KDM2B: variants seen among roughly 807,000 people sequenced by gnomAD.
KDM2B encodes the protein lysine demethylase 2B.
Under a neutral mutation model 150.0 loss-of-function variants are expected in KDM2B, and 26 were observed. The observed-to-expected ratio is 0.17, with a 90% CI of 0.13 to 0.24. The LOEUF is 0.24. Among genes scored for constraint, KDM2B ranks in the 10% least tolerant of loss-of-function variants. KDM2B has a pLI of 1.00. For missense variants in KDM2B, 1,265 were observed against 1,816.9 expected (o/e 0.70, Z 5.52); for synonymous variants, 734 against 729.5 (o/e 1.01, Z -0.10).
At chr12:121,437,438 G>A (rs1297191684) in intron 22 of KDM2B, among the ~76,000 whole-genome samples, 2 of 151,744 alleles carry the variant, frequency 1.3e-5, no homozygotes, top group African/African-American at 4.8e-5. Context: ...GAGTGGGAGG[G>A]AAGGATACAA....
intron 4 of KDM2B, among the ~76,000 whole-genome samples, chr12:121,569,995 G>A (rs777179659): frequency 6.6e-6 from 1 of 151,788 alleles, no homozygotes; most frequent in Non-Finnish European, 1.5e-5. Flanking sequence ...GACTACCGAG[G>A]CATGCCACCA....
In KDM2B at chr12:121,444,432, T is replaced by G. The variant is rs201518248; in HGVS notation, c.2190+18A>C. 2.7e-5 allele frequency: 44 copies of G among 1,613,992 alleles called. No homozygotes were observed. In the Admixed American group the frequency reaches 5.7e-4, roughly 21 times the overall value. ...CCCCTCTCCCGACTGACCCTGGGAC[T>G]TGGAGCCCGGCACTCACTTTCCCGG... On this transcript the variant is annotated intron_variant, in intron 15 of 22. Transcript: ENST00000377071.
At chr12:121,409,663 T>A in the KDM2B span, 1 of 152,226 alleles carries the variant, frequency 6.6e-6, no homozygotes, top group Non-Finnish European at 1.5e-5. Flanking sequence ...TCAGTATTTT[T>A]AAAGACTTGC....
At chr12:121,574,458 G>C in intron 4 of KDM2B, 89 bp downstream of exon 4, 1 of 1,280,992 alleles carries the variant, frequency 7.8e-7, no homozygotes, top group Non-Finnish European at 1.1e-6. Flanking sequence ...TTGAGAGGCA[G>C]TTAAAAGTCT....
the KDM2B span, chr12:121,420,050 C>G: frequency 2.0e-6 from 1 of 510,516 alleles, no homozygotes; most frequent in Non-Finnish European, 3.6e-6. Context: ...TTTGAGCTAA[C>G]TTTATGGAAG....
At chr12:121,410,227 G>A in the KDM2B span, among the ~76,000 whole-genome samples, 2 of 151,060 alleles carry the variant, frequency 1.3e-5, no homozygotes, top group Non-Finnish European at 3.0e-5. Flanking sequence ...AAGGGGAGAT[G>A]GAAATTAAAA....
intron 6 of KDM2B, among the ~76,000 whole-genome samples, chr12:121,538,340 C>G (rs1555309099): frequency 6.6e-6 from 1 of 151,834 alleles, no homozygotes; most frequent in Non-Finnish European, 1.5e-5. Context: ...CCAGATACAG[C>G]CATAGAAAGG....
At chr12:121,566,960 C>T (rs141564240) in intron 4 of KDM2B, among the ~76,000 whole-genome samples, 3,178 of 152,002 alleles carry the variant, frequency 0.021, 118 homozygotes, top group African/African-American at 0.072. Flanking sequence ...CAGCTCACTG[C>T]AACCTCCGCC....
chr12:121,486,876 G>A (rs149389443), intron 12 of KDM2B, among the ~76,000 whole-genome samples: 1 of 152,180 alleles, frequency 6.6e-6, no homozygotes, highest in Non-Finnish European at 1.5e-5. Context: ...AGGAGGCTGA[G>A]GTGGAATGAT....
At chr12:121,419,075 C>T in the KDM2B span, among the ~76,000 whole-genome samples, 1 of 152,094 alleles carries the variant, frequency 6.6e-6, no homozygotes, top group Non-Finnish European at 1.5e-5. Context: ...TAGATATAGT[C>T]CTGTGTCCTC....
intron 22 of KDM2B, among the ~76,000 whole-genome samples, chr12:121,433,899 G>A (rs1873488865): frequency 6.6e-6 from 1 of 151,908 alleles, no homozygotes. Context: ...AAATACATAG[G>A]CCGGGCGCGA....
At chr12:121,562,029 G>A (rs1254950386) in intron 4 of KDM2B, among the ~76,000 whole-genome samples, 5 of 151,122 alleles carry the variant, frequency 3.3e-5, no homozygotes, top group South Asian at 2.1e-4. Context: ...AAAATTAGCC[G>A]GGCGTGGTGG....
chr12:121,504,358 G>A (rs1555302592), intron 11 of KDM2B, among the ~76,000 whole-genome samples: 1 of 152,130 alleles, frequency 6.6e-6, no homozygotes, highest in African/African-American at 2.4e-5. Flanking sequence ...AACATAGCAA[G>A]ACGTAGTCTC....
chr12:121,464,884 G>A (rs1385549982), intron 12 of KDM2B, among the ~76,000 whole-genome samples: 3 of 152,196 alleles, frequency 2.0e-5, no homozygotes, highest in Non-Finnish European at 2.9e-5. Context: ...AGATGCAAAT[G>A]CTTTCGAGGT....
intron 8 of KDM2B, among the ~76,000 whole-genome samples, chr12:121,523,564 T>C (rs1555306249): frequency 6.6e-6 from 1 of 152,204 alleles, no homozygotes; most frequent in Non-Finnish European, 1.5e-5. Flanking sequence ...CCCTGAGTCA[T>C]GGGTGGTCAC....
intron 4 of KDM2B, among the ~76,000 whole-genome samples, chr12:121,560,573 G>A (rs1191699765): frequency 3.3e-5 from 5 of 151,986 alleles, no homozygotes; most frequent in Admixed American, 3.3e-4. Context: ...CCAGGGGCGA[G>A]GCACTGAGTT....
At chr12:121,490,815 C>T (rs1555299780) in intron 12 of KDM2B, among the ~76,000 whole-genome samples, 3 of 152,156 alleles carry the variant, frequency 2.0e-5, no homozygotes, top group African/African-American at 7.2e-5. Flanking sequence ...CTAATCAGTT[C>T]CAGAAAAGGG....
chr12:121,485,743 C>T (rs1882682281), intron 12 of KDM2B, among the ~76,000 whole-genome samples: 1 of 151,910 alleles, frequency 6.6e-6, no homozygotes, highest in African/African-American at 2.4e-5. Flanking sequence ...AATAATAACG[C>T]CACTCAACTA....
At chr12:121,522,472 C>T (rs1419836574) in intron 8 of KDM2B, among the ~76,000 whole-genome samples, 2 of 151,008 alleles carry the variant, frequency 1.3e-5, no homozygotes, top group East Asian at 3.9e-4. Context: ...CGAGATCGCA[C>T]CATTGCACTC....
Sources: allele counts gnomAD v4.1 joint callset (sites outside exome capture counted in the v4.1 genomes callset), GRCh38; gene constraint gnomAD v4.1.1; transcripts MANE v1.5; gene names NCBI Gene and HGNC (gene_info 2026-07-23, HGNC 2026-07-21).